The following NFAT5 variants were observed in gnomAD, a reference collection of about 807,000 sequenced individuals.
NFAT5 encodes the protein nuclear factor of activated T cells 5, also known as nuclear factor of activated T-cells 5.
A neutral mutation model predicts 166.5 loss-of-function variants in NFAT5; 31 were observed. The observed-to-expected ratio is 0.19, with a 90% CI of 0.14 to 0.25. NFAT5 has a LOEUF of 0.25. NFAT5 is among the 10% of genes least tolerant of loss of function. The pLI is 1.00. For missense variants in NFAT5, 1,449 were observed against 1,821.8 expected (o/e 0.80, Z 3.72); for synonymous variants, 612 against 639.7 (o/e 0.96, Z 0.65).
At position 69,670,321 on chromosome 16, in the gene NFAT5, T is replaced by G. The variant is rs188767453; in HGVS notation, c.1557+33T>G. 1.9e-3 allele frequency: 2,659 copies of G among 1,365,096 alleles called. 7 individuals carry two copies. Among genetic ancestry groups the G allele is most frequent in the Middle Eastern group, 2.8e-3 (15 of 5,404 alleles). The allele number at this position is 1,365,096 out of a possible 1,614,324, so 84.6% of individuals were successfully genotyped here. ...TTAAGCTTTTTTTATAATTTGGTTA[T>G]TTACTCTCTGAGCAATTCAGTTTTG... On this transcript the variant is annotated intron_variant, in intron 9 of 14. Transcript: ENST00000349945.
At chr16:69,646,637 A>G in intron 3 of NFAT5, 1 of 621,590 alleles carries the variant, frequency 1.6e-6, no homozygotes, top group Admixed American at 4.4e-5. Context: ...CAAATTCTAT[A>G]ATGAATTATT....
intron 10 of NFAT5, among the ~76,000 whole-genome samples, chr16:69,679,487 C>T (rs1417417496): frequency 6.6e-6 from 1 of 151,890 alleles, no homozygotes. Context: ...TGGTGGTGGG[C>T]ACCTGTTTAC....
chr16:69,604,973 C>T (rs2151546462), intron 2 of NFAT5, among the ~76,000 whole-genome samples: 1 of 152,266 alleles, frequency 6.6e-6, no homozygotes, highest in South Asian at 2.1e-4. Context: ...CAGGTTATTT[C>T]CACCTTCTGG....
rs750951612 is a variant in NFAT5, at chr16:69,693,626, ACAGCAGCAG to A, written c.3810_3818del (p.Gln1282_Gln1284del). 2 of 1,614,010 alleles carry A rather than the reference ACAGCAGCAG, an allele frequency of 1.2e-6. No individual in the cohort carries two copies. The highest frequency in any genetic ancestry group is 1.7e-6 in the Non-Finnish European group (2 of 1,179,920). On this transcript the variant is annotated inframe_deletion, in exon 13 of 15. Coordinates refer to ENST00000349945, the MANE Select transcript of NFAT5 (RefSeq NM_138713.4). ...TGCAGAGTAACTCTCCATCCCAGGA[ACAGCAGCAG>A]CAGCAGCAACAGCAGCAGCAACAGC...
At chr16:69,648,318 G>C (rs1199613592) in intron 4 of NFAT5, 1 of 984,238 alleles carries the variant, frequency 1.0e-6, no homozygotes, top group African/African-American at 1.7e-5. Context: ...GAGGATTTTA[G>C]ACTTAATTTT....
chr16:69,657,408 G>A (rs1402228158), intron 6 of NFAT5, among the ~76,000 whole-genome samples: 2 of 151,694 alleles, frequency 1.3e-5, no homozygotes, highest in African/African-American at 4.8e-5. Flanking sequence ...GGGATTACAG[G>A]CGTGAGCCAC....
chr16:69,653,078 T>C (rs540535197), intron 4 of NFAT5, among the ~76,000 whole-genome samples, 158 bp from the exon 5 acceptor site: 1 of 152,324 alleles, frequency 6.6e-6, no homozygotes, highest in Admixed American at 6.5e-5. Flanking sequence ...ACTTTGCTCA[T>C]GTATCTTCCT....
intron 2 of NFAT5, among the ~76,000 whole-genome samples, chr16:69,597,623 G>C (rs1265123236): frequency 1.3e-5 from 2 of 149,208 alleles, no homozygotes; most frequent in Admixed American, 6.7e-5. Context: ...ACAGAGTCTC[G>C]TTCTGTCACC....
At chr16:69,677,848 G>C (rs1597530274) in intron 10 of NFAT5, among the ~76,000 whole-genome samples, 2 of 152,188 alleles carry the variant, frequency 1.3e-5, no homozygotes, top group East Asian at 3.9e-4. Flanking sequence ...ATAAAACTTT[G>C]GTTGGGTTAA....
At chr16:69,571,769 A>T (rs1053189393) in intron 2 of NFAT5, among the ~76,000 whole-genome samples, 32 of 150,950 alleles carry the variant, frequency 2.1e-4, no homozygotes, top group Admixed American at 2.0e-3. Context: ...TATTATTATT[A>T]TTTTTTTGAG....
chr16:69,618,152 C>CT (rs1159534782), intron 2 of NFAT5, among the ~76,000 whole-genome samples: 1 of 143,878 alleles, frequency 7.0e-6, no homozygotes, highest in Non-Finnish European at 1.5e-5. Flanking sequence ...CAGCGAAACT[C>CT]CATCTCAAAA....
At position 69,659,877 on chromosome 16, in the gene NFAT5, A is replaced by G; in HGVS notation, c.1347A>G (p.Thr449=). ...RKDGSTLTLQ[T]PSSPILCTQP... ...ATGGCTCCACTTTGACACTGCAAAC[A>G]CCCTCTTCTCCAATTTTGTGTAGTA... The change falls in exon 7 of 15, where the codon ACA becomes ACG. Residue 449 remains threonine (T), a synonymous_variant. Transcript: ENST00000349945. 2 of 1,609,438 alleles carry G rather than the reference A, an allele frequency of 1.2e-6. No homozygotes were observed. The highest frequency in any genetic ancestry group is 1.7e-6 in the Non-Finnish European group (2 of 1,177,492).
In NFAT5 at chr16:69,692,741, G is replaced by A. The variant is rs2151720308; in HGVS notation, c.2916G>A (p.Leu972=). The A allele has an allele frequency of 1.2e-6, 2 of 1,614,178 alleles. No individual in the cohort carries two copies. The highest frequency in any genetic ancestry group is 1.7e-6 in the Non-Finnish European group (2 of 1,180,036). Residue 972 remains leucine (L), a synonymous_variant, in exon 13 of 15, where the codon TTG becomes TTA. Coordinates refer to ENST00000349945, the MANE Select transcript of NFAT5 (RefSeq NM_138713.4). ...TNEDMQMQCE[L]FSSPPAVSGN... ...AGGATATGCAAATGCAGTGTGAATT[G>A]TTTTCTTCTCCTCCTGCAGTTTCTG...
Position 69,694,183 on chromosome 16 carries a change from A to G in NFAT5, c.4358A>G (p.Asn1453Ser). The change falls in exon 13 of 15, where the codon AAT becomes AGT. Residue 1453 changes from asparagine to serine, a missense_variant. Physicochemically the swap from Asn to Ser is conservative, Grantham distance 46. Transcript: ENST00000349945. Reference protein sequence around the residue: ...TAGGTMNQLQNSPGSSQQTSG... With the variant: ...TAGGTMNQLQSSPGSSQQTSG... ...GGAGGCACAATGAACCAACTGCAGA[A>G]TTCTCCTGGCTCATCTCAGCAGACA... 1 of 1,614,182 alleles carries G rather than the reference A, an allele frequency of 6.2e-7. No homozygotes were observed. The highest frequency in any genetic ancestry group is 8.5e-7 in the Non-Finnish European group (1 of 1,180,038).
chr16:69,587,082 C>CT (rs1567520423), intron 2 of NFAT5, among the ~76,000 whole-genome samples: 1 of 151,688 alleles, frequency 6.6e-6, no homozygotes, highest in East Asian at 1.9e-4. Flanking sequence ...TATTAAAGTG[C>CT]TTTTTTTTCT....
chr16:69,659,632 A>T, intron 6 of NFAT5, 95 bp from the exon 7 acceptor site: 1 of 1,034,598 alleles, frequency 9.7e-7, no homozygotes, highest in Non-Finnish European at 1.3e-6. Context: ...CAGAATTAAT[A>T]GATAAGCAAA....
Position 69,703,610 on chromosome 16 carries a change from C to A in NFAT5, c.*7259C>A, listed in dbSNP as rs1567625812. The A allele has an allele frequency of 6.6e-6, 1 of 152,604 alleles. No individual in the cohort carries two copies. 9.5% of individuals were successfully genotyped at this position (152,604 alleles called of 1,614,324 possible). ...ATCAGAATAAAAATAAATGTATACTCACTTTATAAAAATCACCACTGCTGT... is the reference window on the plus strand; with the variant it reads ...ATCAGAATAAAAATAAATGTATACTAACTTTATAAAAATCACCACTGCTGT... On this transcript the variant is annotated 3_prime_UTR_variant, in exon 15 of 15. Coordinates refer to ENST00000349945, the MANE Select transcript of NFAT5 (RefSeq NM_138713.4).
intron 2 of NFAT5, among the ~76,000 whole-genome samples, chr16:69,602,207 G>A (rs985755328): frequency 1.5e-4 from 22 of 151,310 alleles, no homozygotes; most frequent in African/African-American, 3.6e-4. Flanking sequence ...ATCCTTTGTG[G>A]TACAGTTTAA....
chr16:69,624,368 G>A (rs1373593929), intron 2 of NFAT5, among the ~76,000 whole-genome samples: 1 of 150,814 alleles, frequency 6.6e-6, no homozygotes, highest in African/African-American at 2.4e-5. Context: ...ACCACGCCTG[G>A]CTAACTTTTT....
Sources: gnomAD v4.1 joint callset for allele counts (sites outside exome capture counted in the v4.1 genomes callset) on GRCh38, gnomAD v4.1.1 for gene constraint, MANE v1.5 for transcripts, NCBI Gene and HGNC (gene_info 2026-07-23, HGNC 2026-07-21) for gene names.